The following FGF13 variants were observed in gnomAD, a reference collection of about 807,000 sequenced individuals.
FGF13 encodes fibroblast growth factor 13.
FGF13 carries 2 observed loss-of-function variants against 19.5 expected under a neutral mutation model. The ratio of observed to expected loss-of-function variants is 0.10; its 90% CI spans 0.04 to 0.32. The LOEUF (loss-of-function observed/expected upper bound fraction) is 0.32, where lower values mean the gene tolerates loss of function less well. FGF13 is among the 10% of genes least tolerant of loss of function. The pLI is 1.00. For synonymous variants in FGF13, 72 were observed against 76.9 expected, an observed-to-expected ratio of 0.94 and a Z score of 0.33; for missense variants, 113 against 192.7, an observed-to-expected ratio of 0.59 and a Z score of 2.45.
chrX:138,775,260 C>T (rs761340361), intron 3 of FGF13, among the ~76,000 whole-genome samples: 1 of 112,257 alleles, frequency 8.9e-6, no homozygotes, highest in South Asian at 3.7e-4. Context: ...TGCCCCAGCT[C>T]TTCGTGTTCT....
chrX:138,764,829 T>C (rs2090492517), intron 3 of FGF13, among the ~76,000 whole-genome samples: 1 of 112,213 alleles, frequency 8.9e-6, no homozygotes, highest in Non-Finnish European at 1.9e-5. Flanking sequence ...TTTTAGACTT[T>C]TGTAAGGATC....
chrX:138,861,343 T>C (rs928023086), intron 2 of FGF13, among the ~76,000 whole-genome samples: 1 of 112,629 alleles, frequency 8.9e-6, no homozygotes, highest in Non-Finnish European at 1.9e-5. Flanking sequence ...TAATCTCTGA[T>C]AGAATAAAAA....
chrX:138,906,609 G>A (rs770949377), intron 1 of FGF13, among the ~76,000 whole-genome samples: 4 of 112,115 alleles, frequency 3.6e-5, no homozygotes, highest in Admixed American at 1.9e-4. Flanking sequence ...TAAAAGAAGC[G>A]TCATCGGCAA....
At chrX:138,925,425 G>GAA (rs5903989) in intron 1 of FGF13, among the ~76,000 whole-genome samples, 1 of 109,966 alleles carries the variant, frequency 9.1e-6, no homozygotes, top group African/African-American at 3.3e-5. Flanking sequence ...GTTGAAGAAA[G>GAA]AAGGGGATGA....
At chrX:139,028,612 T>TGTGTGTGTGTGC (rs2092210921) in intron 1 of FGF13, among the ~76,000 whole-genome samples, 1 of 54,054 alleles carries the variant, frequency 1.8e-5, no homozygotes, top group Non-Finnish European at 3.4e-5. Flanking sequence ...TGTGTGTGTG[T>TGTGTGTGTGTGC]GTGTGAGAGA....
At chrX:138,868,352 C>T (rs2091339961) in intron 1 of FGF13, among the ~76,000 whole-genome samples, 1 of 106,483 alleles carries the variant, frequency 9.4e-6, no homozygotes, top group Non-Finnish European at 1.9e-5. Flanking sequence ...TTGTTCCAGC[C>T]AGCGGGGCCC....
chrX:138,665,877 A>G (rs2089537975), intron 3 of FGF13, among the ~76,000 whole-genome samples: 1 of 111,178 alleles, frequency 9.0e-6, no homozygotes, highest in South Asian at 3.8e-4. Flanking sequence ...ATCTGCTATA[A>G]AGAGAAAAAA....
intron 1 of FGF13, among the ~76,000 whole-genome samples, chrX:139,047,711 T>C (rs2092291968): frequency 8.9e-6 from 1 of 112,164 alleles, no homozygotes; most frequent in African/African-American, 3.2e-5. Context: ...AATGAGAAGA[T>C]ATATTCCACT....
At chrX:138,646,459 A>C (rs1040170892) in intron 3 of FGF13, among the ~76,000 whole-genome samples, 1 of 111,669 alleles carries the variant, frequency 9.0e-6, no homozygotes, top group Non-Finnish European at 1.9e-5. Context: ...TGAGTTCCAG[A>C]GGGTAGGAAG....
intron 3 of FGF13, among the ~76,000 whole-genome samples, chrX:138,692,858 T>TA (rs774178823): frequency 1.8e-5 from 2 of 111,227 alleles, no homozygotes; most frequent in South Asian, 7.5e-4. Context: ...GCTTCAGAGT[T>TA]AAAATCATGA....
At chrX:138,646,748 A>G (rs1308796112) in intron 3 of FGF13, among the ~76,000 whole-genome samples, 2 of 111,668 alleles carry the variant, frequency 1.8e-5, no homozygotes, top group African/African-American at 6.5e-5. Context: ...CTGCCTTTTC[A>G]GGTACAGACG....
chrX:138,740,831 C>A (rs1046996570), upstream of FGF13, among the ~76,000 whole-genome samples: 4 of 112,332 alleles, frequency 3.6e-5, no homozygotes. Context: ...ATTTTTTGAA[C>A]AAGGATCTCT....
intron 1 of FGF13, among the ~76,000 whole-genome samples, chrX:139,028,665 A>T (rs9782015): frequency 3.8e-5 from 1 of 26,067 alleles, no homozygotes; most frequent in African/African-American, 1.3e-4. Flanking sequence ...GAGAGAGAGA[A>T]AGAGAGAGTG....
Position 138,974,713 on chromosome X carries a change from T to C in FGF13, c.-112-110063A>G, listed in dbSNP as rs113665769. 1.8e-3 allele frequency among the ~76,000 whole-genome samples: 203 copies of C among 112,741 alleles called. 1 individual carries two copies. The highest frequency in any genetic ancestry group is 6.0e-3 in the African/African-American group (188 of 31,096). On this transcript the variant is annotated intron_variant, in intron 1 of 2. Coordinates refer to the FGF13 transcript ENST00000421460. ...AATACGTGTTTTGTAATCTAACAAC[T>C]AGGATTTCAGTTACATATATTACAT... is the stretch of plus-strand genomic sequence containing the variant.
chrX:138,676,991 ATCAT>A (rs1261327597), intron 3 of FGF13, among the ~76,000 whole-genome samples: 1 of 112,674 alleles, frequency 8.9e-6, no homozygotes, highest in African/African-American at 3.2e-5. Flanking sequence ...TTTCCCATAA[ATCAT>A]TCAATCAGAA....
At chrX:138,876,670 C>T (rs746915656) in intron 1 of FGF13, among the ~76,000 whole-genome samples, 3 of 111,876 alleles carry the variant, frequency 2.7e-5, no homozygotes, top group African/African-American at 3.3e-5. Flanking sequence ...AGAGCACAGC[C>T]GTAGGCCTTG....
chrX:138,774,407 G>A (rs182181270), intron 3 of FGF13, among the ~76,000 whole-genome samples: 25 of 111,432 alleles, frequency 2.2e-4, no homozygotes, highest in African/African-American at 8.1e-4. Flanking sequence ...ATCATATGAG[G>A]TGGGCAGTAT....
intron 1 of FGF13, among the ~76,000 whole-genome samples, chrX:139,153,725 GTC>G (rs1323735032): frequency 1.8e-5 from 2 of 111,941 alleles, no homozygotes; most frequent in Non-Finnish European, 3.8e-5. Flanking sequence ...TGGAAATAAA[GTC>G]TCTACAGATA....
chrX:138,949,898 T>C (rs1285896355), intron 1 of FGF13, among the ~76,000 whole-genome samples: 1 of 111,978 alleles, frequency 8.9e-6, no homozygotes, highest in East Asian at 2.8e-4. Flanking sequence ...GGTTAGAGAC[T>C]TTGATGCATA....
Sources: allele counts gnomAD v4.1 joint callset (sites outside exome capture counted in the v4.1 genomes callset), GRCh38; gene constraint gnomAD v4.1.1; transcripts MANE v1.5; gene names NCBI Gene and HGNC (gene_info 2026-07-23, HGNC 2026-07-21).